Variants in UMAD1 observed in about 807,000 individuals in gnomAD.
UMAD1 encodes the protein UBAP1-MVB12-associated (UMA) domain containing 1, also known as UBAP1-MVB12-associated (UMA)-domain containing protein 1.
In UMAD1, 8 loss-of-function variants were observed where a neutral mutation model predicts 6.1. That is an observed-to-expected ratio of 1.30 (90% CI 0.76 to 2.35). UMAD1 has a LOEUF of 2.35. Ranked by LOEUF, UMAD1 falls within the 30% of genes most tolerant of loss-of-function variation. The probability of loss-of-function intolerance (pLI) is 0.00; values close to 1 mark genes in which losing one functional copy is unlikely to be tolerated. For missense variants in UMAD1, 130 were observed against 78.4 expected (o/e 1.66, Z -2.49); for synonymous variants, 56 against 31.4 (o/e 1.78, Z -2.61).
chr7:7,741,513 T>C (rs1583789755), intron 2 of UMAD1, among the ~76,000 whole-genome samples: 1 of 150,372 alleles, frequency 6.7e-6, no homozygotes, highest in Non-Finnish European at 1.5e-5. Flanking sequence ...GGAGGCGGAG[T>C]TTGCAGTGAG....
chr7:7,855,533 G>A (rs537943766), intron 3 of UMAD1, among the ~76,000 whole-genome samples: 4 of 152,336 alleles, frequency 2.6e-5, no homozygotes, highest in East Asian at 1.9e-4. Flanking sequence ...AGCCATAGTC[G>A]GAGTGGCTAG....
At position 7,873,173 on chromosome 7, in the gene UMAD1, T is replaced by TAA. The variant is rs139120150; in HGVS notation, c.157-4106_157-4105dup. Among the ~76,000 whole-genome samples the TAA allele has an allele frequency of 2.8e-3, 427 of 152,306 alleles. 5 individuals carry two copies. The highest frequency in any genetic ancestry group is 9.7e-3 in the African/African-American group (404 of 41,554). On this transcript the variant is annotated intron_variant, in intron 3 of 3. Transcript: ENST00000682710. The stretch of plus-strand genomic sequence containing the variant: ...TAAGGAAACTGAGGCACGGAGAAGT[T>TAA]AAATATTTTGCCCAAGGCCATTTGC...
chr7:7,766,995 A>G (rs1173842097), intron 2 of UMAD1, among the ~76,000 whole-genome samples: 2 of 152,170 alleles, frequency 1.3e-5, no homozygotes, highest in African/African-American at 2.4e-5. Context: ...CTAGACAGGT[A>G]TAATATAAGC....
chr7:7,787,634 C>T (rs1207266208), intron 2 of UMAD1, among the ~76,000 whole-genome samples: 1 of 152,180 alleles, frequency 6.6e-6, no homozygotes, highest in East Asian at 1.9e-4. Context: ...TTTCTCCTTT[C>T]TCCCATATTG....
intron 1 of UMAD1, among the ~76,000 whole-genome samples, chr7:7,653,445 G>A (rs557518416): frequency 2.4e-4 from 37 of 152,228 alleles, no homozygotes; most frequent in African/African-American, 8.7e-4. Flanking sequence ...TATCTTCTAA[G>A]GATGCTAGTT....
chr7:7,713,854 A>G (rs896688460), intron 2 of UMAD1, among the ~76,000 whole-genome samples: 1 of 152,102 alleles, frequency 6.6e-6, no homozygotes, highest in Non-Finnish European at 1.5e-5. Flanking sequence ...TTCTAGAGGC[A>G]GGGTCTCACT....
intron 3 of UMAD1, among the ~76,000 whole-genome samples, chr7:7,813,595 T>G (rs1263825030): frequency 4.2e-5 from 2 of 47,884 alleles, no homozygotes; most frequent in Admixed American, 4.2e-4. Context: ...TGAAGTACCA[T>G]TTACATTAAA....
At chr7:7,725,331 G>C (rs1163790087) in intron 2 of UMAD1, among the ~76,000 whole-genome samples, 1 of 152,166 alleles carries the variant, frequency 6.6e-6, no homozygotes, top group Non-Finnish European at 1.5e-5. Context: ...ACAGGTCCAG[G>C]CTGCTGTGTA....
At position 7,653,371 on chromosome 7, in the gene UMAD1, A is replaced by T. The variant is rs553412090; in HGVS notation, c.-64+12550A>T. On this transcript the variant is annotated intron_variant, in intron 1 of 3. Coordinates refer to ENST00000682710, the MANE Select transcript of UMAD1 (RefSeq NM_001302348.2). Reference sequence around the variant, plus strand: ...TTTGTCAGTGATTGAGATCCAAATGATAAATTCTTAGTGCAGTTTGTTTAT... The same window carrying T: ...TTTGTCAGTGATTGAGATCCAAATGTTAAATTCTTAGTGCAGTTTGTTTAT... Among the ~76,000 whole-genome samples, 3 of 152,352 alleles carry T rather than the reference A, an allele frequency of 2.0e-5. No homozygotes were observed. In the South Asian group the frequency reaches 6.2e-4, roughly 32 times the overall value.
chr7:7,847,595 T>G (rs1186295330), intron 3 of UMAD1, among the ~76,000 whole-genome samples: 1 of 152,094 alleles, frequency 6.6e-6, no homozygotes, highest in East Asian at 1.9e-4. Flanking sequence ...TTTCATTGCA[T>G]GTTACTCCCC....
chr7:7,851,897 T>G (rs746994850), intron 3 of UMAD1, among the ~76,000 whole-genome samples: 6 of 152,202 alleles, frequency 3.9e-5, no homozygotes, highest in Non-Finnish European at 7.3e-5. Context: ...AGGTCTTATC[T>G]ATTTTTTCTT....
chr7:7,778,673 C>G (rs889287165), intron 2 of UMAD1, among the ~76,000 whole-genome samples: 2 of 152,108 alleles, frequency 1.3e-5, no homozygotes, highest in African/African-American at 4.8e-5. Flanking sequence ...ACCTTGGCCT[C>G]CCAAAGTGCT....
intron 3 of UMAD1, among the ~76,000 whole-genome samples, chr7:7,814,290 A>G (rs1387529813): frequency 1.3e-5 from 2 of 152,160 alleles, no homozygotes; most frequent in Admixed American, 6.5e-5. Context: ...TTGCTTTTAT[A>G]CTAACAAAAT....
intron 2 of UMAD1, among the ~76,000 whole-genome samples, chr7:7,749,835 C>G (rs1395555099): frequency 1.3e-5 from 2 of 152,100 alleles, no homozygotes; most frequent in East Asian, 3.8e-4. Flanking sequence ...GATAGTTTAT[C>G]TAAGTTCTGT....
intron 2 of UMAD1, among the ~76,000 whole-genome samples, chr7:7,711,841 T>A (rs1403684364): frequency 6.6e-6 from 1 of 152,164 alleles, no homozygotes; most frequent in Admixed American, 6.5e-5. Flanking sequence ...ACTTTCATAT[T>A]TCAGTCTGAT....
intron 2 of UMAD1, among the ~76,000 whole-genome samples, chr7:7,677,855 A>G (rs1226706282): frequency 1.3e-5 from 2 of 150,496 alleles, no homozygotes; most frequent in Non-Finnish European, 3.0e-5. Context: ...TTGTATTTTT[A>G]GTAGAGACGG....
intron 3 of UMAD1, among the ~76,000 whole-genome samples, chr7:7,864,972 C>T (rs1784199435): frequency 1.3e-5 from 2 of 152,154 alleles, no homozygotes; most frequent in African/African-American, 2.4e-5. Context: ...GATTGGTGAA[C>T]ACATTGAGGT....
chr7:7,692,716 T>A (rs28912721), intron 2 of UMAD1, among the ~76,000 whole-genome samples: 138 of 152,210 alleles, frequency 9.1e-4, no homozygotes, highest in African/African-American at 3.1e-3. Context: ...TTCAAGTGAT[T>A]CTCCTGCCTC....
At chr7:7,729,474 G>C (rs1781205909) in intron 2 of UMAD1, among the ~76,000 whole-genome samples, 2 of 152,210 alleles carry the variant, frequency 1.3e-5, no homozygotes, top group Non-Finnish European at 2.9e-5. Context: ...CTTGGCTTCT[G>C]TGATTAGGGT....
Sources: gnomAD v4.1 joint callset for allele counts (sites outside exome capture counted in the v4.1 genomes callset) on GRCh38, gnomAD v4.1.1 for gene constraint, MANE v1.5 for transcripts, NCBI Gene and HGNC (gene_info 2026-07-23, HGNC 2026-07-21) for gene names.